Variants in DACH1 observed in about 807,000 individuals in gnomAD.
The protein encoded by DACH1 is dachshund homolog 1.
DACH1 carries 12 observed loss-of-function variants against 54.2 expected under a neutral mutation model. The ratio of observed to expected loss-of-function variants is 0.22; its 90% confidence interval spans 0.14 to 0.36. The LOEUF (loss-of-function observed/expected upper bound fraction) is 0.36, where lower values mean the gene tolerates loss of function less well. Ranked by LOEUF, DACH1 falls within the 10% of genes least tolerant of loss-of-function variation. The pLI is 1.00. For missense variants in DACH1, 805 were observed against 929.8 expected, an observed-to-expected ratio of 0.87 and a Z score of 1.75; for synonymous variants, 386 against 366.2, an observed-to-expected ratio of 1.05 and a Z score of -0.62.
At chr13:71,622,317 G>T (rs1876306167) in intron 3 of DACH1, among the ~76,000 whole-genome samples, 1 of 151,810 alleles carries the variant, frequency 6.6e-6, no homozygotes, top group South Asian at 2.1e-4. Flanking sequence ...AACAATATTG[G>T]ACTACAAACA....
chr13:71,506,803 G>A (rs1880370293), intron 6 of DACH1, among the ~76,000 whole-genome samples: 1 of 151,306 alleles, frequency 6.6e-6, no homozygotes, highest in Non-Finnish European at 1.5e-5. Flanking sequence ...CAAGCAATGG[G>A]GAAAGGATTC....
At chr13:71,660,796 A>C (rs1879435843) in intron 2 of DACH1, among the ~76,000 whole-genome samples, 1 of 151,798 alleles carries the variant, frequency 6.6e-6, no homozygotes, top group Non-Finnish European at 1.5e-5. Flanking sequence ...TAGTCTGTGT[A>C]ATTATTTAAA....
chr13:71,461,137 G>T (rs1219986853), intron 10 of DACH1, among the ~76,000 whole-genome samples: 1 of 151,910 alleles, frequency 6.6e-6, no homozygotes, highest in Admixed American at 6.6e-5. Context: ...CATTTAAGAA[G>T]AATAATTAGA....
chr13:71,777,361 G>A (rs539941351), intron 1 of DACH1, among the ~76,000 whole-genome samples: 1 of 152,044 alleles, frequency 6.6e-6, no homozygotes, highest in Non-Finnish European at 1.5e-5. Context: ...TTCCTCATGA[G>A]TTAAATGGGA....
intron 1 of DACH1, among the ~76,000 whole-genome samples, chr13:71,836,802 T>C (rs1466142508): frequency 6.6e-6 from 1 of 152,056 alleles, no homozygotes; most frequent in African/African-American, 2.4e-5. Context: ...TCTCACTCTG[T>C]CCTATTTTTA....
At chr13:71,588,823 TTTAA>T (rs1410745454) in intron 3 of DACH1, among the ~76,000 whole-genome samples, 3 of 151,998 alleles carry the variant, frequency 2.0e-5, no homozygotes, top group Non-Finnish European at 4.4e-5. Context: ...CCTCCCTTTC[TTTAA>T]TTTTTTCTAT....
At chr13:71,455,209 C>G (rs1443528317) in intron 10 of DACH1, among the ~76,000 whole-genome samples, 2 of 152,084 alleles carry the variant, frequency 1.3e-5, no homozygotes, top group Non-Finnish European at 2.9e-5. Context: ...TTCTAAATCA[C>G]AAACTATTTA....
chr13:71,545,515 AAAAGAAG>A (rs1566329674), intron 6 of DACH1, among the ~76,000 whole-genome samples: 1 of 149,654 alleles, frequency 6.7e-6, no homozygotes, highest in Non-Finnish European at 1.5e-5. Flanking sequence ...AAGAAAGAAG[AAAAGAAG>A]AAAGGAAGGA....
At chr13:71,605,865 T>G (rs954929053) in intron 3 of DACH1, among the ~76,000 whole-genome samples, 3 of 152,010 alleles carry the variant, frequency 2.0e-5, no homozygotes, top group African/African-American at 7.2e-5. Context: ...TGAACATTGC[T>G]GATGAAGACA....
rs71451472 is a variant in DACH1 at position 71,735,462 on chromosome 13, A to G, written c.849-53552T>C. 4.4e-5 allele frequency among the ~76,000 whole-genome samples: 3 copies of G among 67,936 alleles called. 1 individual carries two copies. The highest frequency in any genetic ancestry group is 7.9e-5 in the Non-Finnish European group (2 of 25,164). The allele number at this position is 67,936 out of a possible 152,430, so 44.6% of individuals were successfully genotyped here. On this transcript the variant is annotated intron_variant, in intron 1 of 10. Transcript: ENST00000613252. ...GGATATACGTGTATATGGGATATAC[A>G]CGTATACGGGATATACGTGTATATG...
intron 3 of DACH1, among the ~76,000 whole-genome samples, chr13:71,580,583 C>T (rs1460001853): frequency 1.3e-5 from 2 of 152,038 alleles, no homozygotes; most frequent in Non-Finnish European, 2.9e-5. Flanking sequence ...AAACATTTTT[C>T]CCACTTGAGG....
chr13:71,864,972 AAC>A (rs1343686324), intron 1 of DACH1, among the ~76,000 whole-genome samples: 1 of 152,118 alleles, frequency 6.6e-6, no homozygotes, highest in Admixed American at 6.5e-5. Flanking sequence ...ACAGAAAGAA[AAC>A]ACACTTTGGA....
intron 6 of DACH1, among the ~76,000 whole-genome samples, chr13:71,556,423 C>G (rs947333574): frequency 2.0e-5 from 3 of 151,918 alleles, no homozygotes; most frequent in South Asian, 4.1e-4. Context: ...AATATGCTGA[C>G]TAAAATATTT....
At chr13:71,522,218 T>C (rs921136779) in intron 6 of DACH1, among the ~76,000 whole-genome samples, 4 of 152,094 alleles carry the variant, frequency 2.6e-5, no homozygotes, top group Admixed American at 2.6e-4. Context: ...CAAAACATTC[T>C]CTGCAATGTG....
At chr13:71,505,351 G>C (rs1880226308) in intron 6 of DACH1, among the ~76,000 whole-genome samples, 1 of 152,162 alleles carries the variant, frequency 6.6e-6, no homozygotes, top group African/African-American at 2.4e-5. Flanking sequence ...AAAGTACTGG[G>C]ATTACAGGCG....
chr13:71,534,021 T>C (rs1038766844), intron 6 of DACH1, among the ~76,000 whole-genome samples: 1 of 152,140 alleles, frequency 6.6e-6, no homozygotes, highest in African/African-American at 2.4e-5. Flanking sequence ...CCTGCAGCAC[T>C]CCTCGTGATA....
intron 1 of DACH1, among the ~76,000 whole-genome samples, chr13:71,754,860 G>A (rs995039440): frequency 3.9e-5 from 6 of 152,000 alleles, no homozygotes; most frequent in African/African-American, 1.4e-4. Flanking sequence ...GAATAATAAG[G>A]CAAGTATGTT....
intron 3 of DACH1, among the ~76,000 whole-genome samples, chr13:71,596,560 A>C (rs17800452): frequency 2.0e-3 from 299 of 152,362 alleles, no homozygotes; most frequent in Admixed American, 3.2e-3. Context: ...GAGATGGATA[A>C]TGTAAGGAAG....
intron 6 of DACH1, among the ~76,000 whole-genome samples, chr13:71,512,979 T>C (rs1880896639): frequency 1.3e-5 from 2 of 151,844 alleles, no homozygotes; most frequent in Admixed American, 6.6e-5. Flanking sequence ...TAGTGATTGG[T>C]GAAAATGAGT....
Sources: allele counts gnomAD v4.1 joint callset (sites outside exome capture counted in the v4.1 genomes callset), GRCh38; gene constraint gnomAD v4.1.1; transcripts MANE v1.5; gene names NCBI Gene and HGNC (gene_info 2026-07-23, HGNC 2026-07-21).